The following RPS6KC1 variants were observed in gnomAD, a reference collection of about 807,000 sequenced individuals.
RPS6KC1 encodes the protein ribosomal protein S6 kinase C1.
A neutral mutation model predicts 103.8 loss-of-function variants in RPS6KC1; 54 were observed. That is an observed-to-expected ratio of 0.52 (90% CI 0.42 to 0.65). The LOEUF is 0.65. Ranked by LOEUF, RPS6KC1 falls within the 30% of genes least tolerant of loss-of-function variation. The pLI, the probability that RPS6KC1 is intolerant of heterozygous loss-of-function variation, is 0.00. For missense variants in RPS6KC1, 1,151 were observed against 1,253.8 expected (o/e 0.92, Z 1.24); for synonymous variants, 439 against 438.7 (o/e 1.00, Z -0.01).
chr1:213,338,769 A>ATT, the RPS6KC1 span, among the ~76,000 whole-genome samples: 3,633 of 138,308 alleles, frequency 0.026, 70 homozygotes, highest in Non-Finnish European at 0.036. Flanking sequence ...GTCTTGCAGC[A>ATT]TTTTTTTTTT....
At chr1:213,747,017 T>A in the RPS6KC1 span, among the ~76,000 whole-genome samples, 1 of 152,072 alleles carries the variant, frequency 6.6e-6, no homozygotes, top group Non-Finnish European at 1.5e-5. Flanking sequence ...TAAATATAAG[T>A]TTGGGAGCTA....
the RPS6KC1 span, among the ~76,000 whole-genome samples, chr1:213,680,036 T>C: frequency 6.6e-6 from 1 of 152,178 alleles, no homozygotes; most frequent in Non-Finnish European, 1.5e-5. Flanking sequence ...GTTTCTCTTT[T>C]ATTAAATATT....
At chr1:213,824,070 G>A in the RPS6KC1 span, among the ~76,000 whole-genome samples, 1 of 152,180 alleles carries the variant, frequency 6.6e-6, no homozygotes. Flanking sequence ...CCCCTGTCCA[G>A]ATTGCTCAAA....
At chr1:213,711,199 G>T in the RPS6KC1 span, among the ~76,000 whole-genome samples, 1 of 152,068 alleles carries the variant, frequency 6.6e-6, no homozygotes, top group Non-Finnish European at 1.5e-5. Context: ...TGGAGGCTTT[G>T]TTCATTCCTT....
chr1:213,644,663 G>A, the RPS6KC1 span, among the ~76,000 whole-genome samples: 1 of 151,870 alleles, frequency 6.6e-6, no homozygotes, highest in Non-Finnish European at 1.5e-5. Flanking sequence ...TTAGTAATAT[G>A]CATTGAAGTT....
chr1:213,781,608 T>C, the RPS6KC1 span, among the ~76,000 whole-genome samples: 2 of 152,156 alleles, frequency 1.3e-5, no homozygotes, highest in Non-Finnish European at 2.9e-5. Flanking sequence ...ATTATGGACA[T>C]GTGATGAAAT....
At chr1:213,680,984 A>C in the RPS6KC1 span, among the ~76,000 whole-genome samples, 1 of 152,224 alleles carries the variant, frequency 6.6e-6, no homozygotes, top group African/African-American at 2.4e-5. Context: ...CTCAGCGGTG[A>C]GGCCCTTTTT....
intron 12 of RPS6KC1, among the ~76,000 whole-genome samples, chr1:213,254,275 T>A (rs1471420112): frequency 6.6e-6 from 1 of 152,224 alleles, no homozygotes; most frequent in Non-Finnish European, 1.5e-5. Flanking sequence ...ATGTTTGATG[T>A]CCTTTAAAAT....
the RPS6KC1 span, among the ~76,000 whole-genome samples, chr1:213,509,127 G>T: frequency 1.3e-5 from 2 of 152,198 alleles, no homozygotes; most frequent in African/African-American, 4.8e-5. Flanking sequence ...TGGTAGTAAG[G>T]TGTATTTAAT....
chr1:213,143,957 G>A (rs528631193), intron 6 of RPS6KC1, among the ~76,000 whole-genome samples: 10 of 151,632 alleles, frequency 6.6e-5, no homozygotes, highest in African/African-American at 2.2e-4. Context: ...GTTTTGCATC[G>A]CTCTGACCAT....
intron 7 of RPS6KC1, among the ~76,000 whole-genome samples, chr1:213,171,941 G>C (rs1161478704): frequency 6.6e-6 from 1 of 152,130 alleles, no homozygotes; most frequent in Non-Finnish European, 1.5e-5. Context: ...TCAGAGTGTG[G>C]TTTCTTGATA....
the RPS6KC1 span, among the ~76,000 whole-genome samples, chr1:213,633,545 T>G: frequency 1.3e-5 from 2 of 151,906 alleles, no homozygotes; most frequent in Admixed American, 6.6e-5. Flanking sequence ...GCTGCTGAAG[T>G]AAGCACTAAA....
At chr1:213,249,295 T>C (rs1184525715) in intron 12 of RPS6KC1, among the ~76,000 whole-genome samples, 2 of 152,340 alleles carry the variant, frequency 1.3e-5, no homozygotes, top group East Asian at 3.9e-4. Context: ...CTAACTATTT[T>C]TATCAAATCA....
At chr1:213,527,498 AAC>A in the RPS6KC1 span, among the ~76,000 whole-genome samples, 2 of 152,290 alleles carry the variant, frequency 1.3e-5, no homozygotes, top group South Asian at 2.1e-4. Flanking sequence ...GTGAGACCAG[AAC>A]ACAGACTTCA....
intron 4 of RPS6KC1, among the ~76,000 whole-genome samples, chr1:213,111,286 T>C (rs1006083184): frequency 6.6e-6 from 1 of 152,178 alleles, no homozygotes; most frequent in African/African-American, 2.4e-5. Flanking sequence ...CCTTCCCTGC[T>C]AGACTCTTCA....
chr1:213,776,988 A>G, the RPS6KC1 span, among the ~76,000 whole-genome samples: 1 of 152,114 alleles, frequency 6.6e-6, no homozygotes, highest in East Asian at 1.9e-4. Context: ...AGCCACTCTC[A>G]GCTTTCATAG....
chr1:213,654,700 C>G, the RPS6KC1 span, among the ~76,000 whole-genome samples: 1 of 152,144 alleles, frequency 6.6e-6, no homozygotes, highest in Non-Finnish European at 1.5e-5. Flanking sequence ...TTTCTAATAA[C>G]AGTGAGCCTT....
the RPS6KC1 span, among the ~76,000 whole-genome samples, chr1:213,715,940 C>T: frequency 3.2e-4 from 48 of 151,848 alleles, no homozygotes; most frequent in Admixed American, 7.2e-4. Context: ...TGCAAACGTA[C>T]ATGAGATTTA....
At chr1:213,194,265 A>C (rs2092857901) in intron 8 of RPS6KC1, among the ~76,000 whole-genome samples, 1 of 151,944 alleles carries the variant, frequency 6.6e-6, no homozygotes, top group South Asian at 2.1e-4. Flanking sequence ...CCATTCAGCC[A>C]CTCTGTGTCT....
Sources: allele counts gnomAD v4.1 joint callset (sites outside exome capture counted in the v4.1 genomes callset), GRCh38; gene constraint gnomAD v4.1.1; transcripts MANE v1.5; gene names NCBI Gene and HGNC (gene_info 2026-07-23, HGNC 2026-07-21).